The following LCP1 variants were observed in gnomAD, a reference collection of about 807,000 sequenced individuals.
The protein encoded by LCP1 is plastin-2.
In LCP1, 23 loss-of-function variants were observed where a neutral mutation model predicts 72.0. The ratio of observed to expected loss-of-function variants is 0.32; its 90% CI spans 0.23 to 0.45. The LOEUF (loss-of-function observed/expected upper bound fraction) is 0.45, where lower values mean the gene tolerates loss of function less well. Ranked by LOEUF, LCP1 falls within the 20% of genes least tolerant of loss-of-function variation. The pLI is 1.00. For synonymous variants in LCP1, 245 were observed against 275.4 expected, an observed-to-expected ratio of 0.89 and a Z score of 1.09; for missense variants, 571 against 748.3, an observed-to-expected ratio of 0.76 and a Z score of 2.76.
chr13:46,162,510 C>G lies in LCP1; in HGVS notation c.-24-2824G>C, dbSNP rs376044657. ...GGAGACGGGGTTTCGCTGTGTTGGC[C>G]GGGCTGGTCTCCAGCTCCTAACCGT... On this transcript the variant is annotated intron_variant, in intron 1 of 15. Transcript: ENST00000323076. Among the ~76,000 whole-genome samples the G allele has an allele frequency of 1.6e-4, 25 of 152,136 alleles. No homozygotes were observed. The East Asian group carries it at 4.8e-3, about 29-fold the overall frequency.
chr13:46,158,752 T>C (rs2045819332), intron 3 of LCP1, 74 bp downstream of exon 3: 2 of 1,601,906 alleles, frequency 1.2e-6, no homozygotes, highest in Non-Finnish European at 1.7e-6. Context: ...GGAATGTCTT[T>C]CTGGATATTT....
rs2045743530 is a variant in LCP1, at chr13:46,148,398, T to A, written c.932A>T (p.Asp311Val). The A allele has an allele frequency of 1.2e-6, 2 of 1,613,398 alleles. No homozygotes were observed. Among genetic ancestry groups the A allele is most frequent in the African/African-American group, 2.7e-5 (2 of 75,050 alleles). ...AACAACAGCAGGAACACCTTCTTCA[T>A]CTCCTTTTGGAGCCACCTGCTCAAG... ...HLLEQVAPKGDEEGVPAVVID... is the reference protein window; with the variant it reads ...HLLEQVAPKGVEEGVPAVVID... The change falls in exon 9 of 16, where the codon GAT (aspartate) becomes GTT (valine). Residue 311 changes from aspartate to valine, a missense_variant. Physicochemically the swap from Asp to Val is radical, Grantham distance 152. Transcript: ENST00000323076.
At chr13:46,139,621 A>G (rs142887472) in intron 13 of LCP1, among the ~76,000 whole-genome samples, 1 of 152,316 alleles carries the variant, frequency 6.6e-6, no homozygotes, top group Non-Finnish European at 1.5e-5. Flanking sequence ...GCCTTGTCAG[A>G]GCTATTAGTA....
chr13:46,133,459 C>CCAAA lies in LCP1; in HGVS notation c.1626+664_1626+667dup, dbSNP rs1161576646. Among the ~76,000 whole-genome samples the CCAAA allele has an allele frequency of 7.9e-5, 12 of 152,068 alleles. No individual in the cohort carries two copies. In the East Asian group the frequency reaches 2.3e-3, roughly 29 times the overall value. On this transcript the variant is annotated intron_variant, in intron 14 of 15. Coordinates refer to ENST00000323076, the MANE Select transcript of LCP1 (RefSeq NM_002298.5). ...TGGGCCACATAGTGAGACCTCATTT[C>CCAAA]CAAACAAACAAACAAAAATTGCTGG... is the stretch of plus-strand genomic sequence containing the variant.
chr13:46,128,409 C>T (rs375458548), intron 15 of LCP1, among the ~76,000 whole-genome samples: 100 of 152,210 alleles, frequency 6.6e-4, no homozygotes, highest in South Asian at 2.9e-3. Flanking sequence ...CCATCCTGGC[C>T]AACATGGTGA....
intron 13 of LCP1, among the ~76,000 whole-genome samples, chr13:46,140,458 G>C (rs1021991934): frequency 6.6e-5 from 10 of 152,158 alleles, no homozygotes; most frequent in African/African-American, 2.2e-4. Context: ...AGCAAAATGA[G>C]CTCTAGATTA....
chr13:46,169,813 C>T (rs938265829), intron 1 of LCP1: 13 of 152,228 alleles, frequency 8.5e-5, no homozygotes, highest in African/African-American at 3.1e-4. Flanking sequence ...AAGAGCAAAC[C>T]CAATTAAAAC....
chr13:46,143,534 G>A, intron 11 of LCP1, 130 bp from the exon 12 acceptor site: 2 of 611,088 alleles, frequency 3.3e-6, no homozygotes, highest in South Asian at 1.9e-5. Flanking sequence ...GGTAGTCGTA[G>A]CTCCATCTAT....
chr13:46,175,836 A>G (rs2045926672), intron 1 of LCP1, among the ~76,000 whole-genome samples: 1 of 152,212 alleles, frequency 6.6e-6, no homozygotes, highest in African/African-American at 2.4e-5. Context: ...TAAGATGACA[A>G]AAGAGTGCTC....
At chr13:46,156,218 TC>T (rs2138256975) in intron 5 of LCP1, among the ~76,000 whole-genome samples, 1 of 152,332 alleles carries the variant, frequency 6.6e-6, no homozygotes, top group South Asian at 2.1e-4. Context: ...ATAATGTTTA[TC>T]CCTCCTCTCC....
intron 15 of LCP1, among the ~76,000 whole-genome samples, chr13:46,130,093 G>A (rs1004203985): frequency 3.3e-5 from 5 of 152,332 alleles, no homozygotes; most frequent in African/African-American, 1.2e-4. Flanking sequence ...TGTGAGAGAA[G>A]AAACTTCTGC....
chr13:46,171,964 G>T (rs1019230127), intron 1 of LCP1, among the ~76,000 whole-genome samples: 1 of 152,272 alleles, frequency 6.6e-6, no homozygotes, highest in African/African-American at 2.4e-5. Context: ...GTACATGTGG[G>T]TACCACAGGG....
chr13:46,169,045 C>A (rs979265490), intron 1 of LCP1, among the ~76,000 whole-genome samples: 2 of 152,200 alleles, frequency 1.3e-5, no homozygotes, highest in African/African-American at 2.4e-5. Flanking sequence ...TCTGGCCACT[C>A]CCCTGTCACA....
intron 1 of LCP1, among the ~76,000 whole-genome samples, chr13:46,180,670 T>C (rs991701842): frequency 6.6e-6 from 1 of 152,214 alleles, no homozygotes; most frequent in Non-Finnish European, 1.5e-5. Context: ...ACATATGGGG[T>C]TGATGCTTTA....
intron 10 of LCP1, among the ~76,000 whole-genome samples, chr13:46,145,387 A>T (rs1300916726): frequency 6.6e-6 from 1 of 152,232 alleles, no homozygotes; most frequent in Non-Finnish European, 1.5e-5. Context: ...AGCATTTGAT[A>T]AATGGAGACT....
At chr13:46,176,764 T>A (rs2138288143) in intron 1 of LCP1, among the ~76,000 whole-genome samples, 1 of 152,338 alleles carries the variant, frequency 6.6e-6, no homozygotes, top group East Asian at 1.9e-4. Context: ...CTGAATTTGG[T>A]GTCAGCTTTT....
chr13:46,151,079 C>CT lies in LCP1; in HGVS notation c.740-2dup, dbSNP rs2045760627. 4 of 1,605,814 alleles carry CT rather than the reference C, an allele frequency of 2.5e-6. No individual in the cohort carries two copies. The highest frequency in any genetic ancestry group is 1.7e-5 in the Admixed American group (1 of 57,146). On this transcript the variant is annotated splice_acceptor_variant, in intron 7 of 15. Coordinates refer to ENST00000323076, the MANE Select transcript of LCP1 (RefSeq NM_002298.5). LOFTEE classifies it high-confidence loss of function. The stretch of plus-strand genomic sequence containing the variant: ...CCTTCTCTCAAAAGAGCAATCAGAG[C>CT]TGAAGAAGCACAAAAACCACAGAAA...
At chr13:46,149,938 T>C (rs1368605725) in intron 8 of LCP1, among the ~76,000 whole-genome samples, 2 of 152,208 alleles carry the variant, frequency 1.3e-5, no homozygotes, top group Admixed American at 6.5e-5. Context: ...CCATGAAAGA[T>C]GCATAGTTAG....
intron 12 of LCP1, 46 bp from the exon 13 acceptor site, chr13:46,142,471 A>T: frequency 6.3e-7 from 1 of 1,583,990 alleles, no homozygotes; most frequent in Non-Finnish European, 8.7e-7. Flanking sequence ...CATCTTGATT[A>T]TGATAAATAC....
Sources: allele counts gnomAD v4.1 joint callset (sites outside exome capture counted in the v4.1 genomes callset), GRCh38; gene constraint gnomAD v4.1.1; transcripts MANE v1.5; gene names NCBI Gene and HGNC (gene_info 2026-07-23, HGNC 2026-07-21).